The following LHFPL6 variants were observed in gnomAD, a reference collection of about 807,000 sequenced individuals.
LHFPL6 encodes the protein LHFPL tetraspan subfamily member 6 protein.
LHFPL6 carries 9 observed loss-of-function variants against 20.6 expected under a neutral mutation model. The observed-to-expected ratio is 0.44, with a 90% CI of 0.26 to 0.76. The LOEUF (loss-of-function observed/expected upper bound fraction) is 0.76, where lower values mean the gene tolerates loss of function less well. Ranked by LOEUF, LHFPL6 falls within the 30% of genes least tolerant of loss-of-function variation. The probability of loss-of-function intolerance (pLI) is 0.20; values close to 1 mark genes in which losing one functional copy is unlikely to be tolerated. For synonymous variants in LHFPL6, 105 were observed against 98.7 expected, an observed-to-expected ratio of 1.06 and a Z score of -0.38; for missense variants, 218 against 253.5, an observed-to-expected ratio of 0.86 and a Z score of 0.95.
chr13:39,461,969 T>TA (rs35740984), intron 2 of LHFPL6, among the ~76,000 whole-genome samples: 9,265 of 150,766 alleles, frequency 0.061, 415 homozygotes, highest in East Asian at 0.19. Context: ...GGATTCACTT[T>TA]AAAAAAAAAA....
chr13:39,497,402 G>C (rs1031413576), intron 2 of LHFPL6, among the ~76,000 whole-genome samples: 3 of 152,308 alleles, frequency 2.0e-5, no homozygotes, highest in Middle Eastern at 6.8e-3. Context: ...AATGCAGAGA[G>C]AACGCTCCTA....
intron 2 of LHFPL6, among the ~76,000 whole-genome samples, chr13:39,382,218 T>C (rs1001394548): frequency 2.6e-5 from 4 of 152,136 alleles, no homozygotes; most frequent in Admixed American, 6.5e-5. Context: ...AAAAGTCCTA[T>C]GGTAAATTTT....
intron 2 of LHFPL6, among the ~76,000 whole-genome samples, chr13:39,534,836 C>A (rs1359535125): frequency 6.6e-6 from 1 of 152,166 alleles, no homozygotes; most frequent in Non-Finnish European, 1.5e-5. Context: ...TCATTGCCAC[C>A]TGTGCAACCA....
intron 2 of LHFPL6, among the ~76,000 whole-genome samples, chr13:39,432,661 C>T (rs1221343628): frequency 6.6e-6 from 1 of 152,172 alleles, no homozygotes; most frequent in Non-Finnish European, 1.5e-5. Context: ...CCTTCCTTTG[C>T]ACTTAGTATC....
At chr13:39,560,549 C>T (rs1191554887) in intron 2 of LHFPL6, among the ~76,000 whole-genome samples, 2 of 141,778 alleles carry the variant, frequency 1.4e-5, no homozygotes, top group African/African-American at 5.2e-5. Flanking sequence ...GCGTCTCCCT[C>T]TGTCGCCCAG....
intron 2 of LHFPL6, among the ~76,000 whole-genome samples, chr13:39,504,168 C>A (rs1869390315): frequency 6.6e-6 from 1 of 152,038 alleles, no homozygotes; most frequent in African/African-American, 2.4e-5. Flanking sequence ...ATCTGTAGCA[C>A]AGAATAATGT....
intron 2 of LHFPL6, among the ~76,000 whole-genome samples, chr13:39,509,997 A>G (rs551119769): frequency 2.0e-5 from 3 of 152,318 alleles, no homozygotes; most frequent in South Asian, 2.1e-4. Context: ...AAAAGTAACA[A>G]TTTACAGATT....
chr13:39,592,323 A>G (rs1362154153), intron 2 of LHFPL6, among the ~76,000 whole-genome samples: 3 of 152,194 alleles, frequency 2.0e-5, no homozygotes, highest in African/African-American at 7.2e-5. Flanking sequence ...ACAAACTACC[A>G]TCAGAGAATA....
chr13:39,388,948 C>T (rs574294141), intron 2 of LHFPL6, among the ~76,000 whole-genome samples: 2 of 152,274 alleles, frequency 1.3e-5, no homozygotes, highest in South Asian at 2.1e-4. Flanking sequence ...TCTTTTCTAC[C>T]GATTGCACTC....
intron 2 of LHFPL6, among the ~76,000 whole-genome samples, chr13:39,570,962 G>A (rs954545771): frequency 3.5e-4 from 53 of 152,152 alleles, no homozygotes; most frequent in Non-Finnish European, 4.4e-4. Context: ...TTCAGTAAGC[G>A]AGAATCCTTA....
chr13:39,436,012 A>G (rs2138409587), intron 2 of LHFPL6, among the ~76,000 whole-genome samples: 1 of 151,654 alleles, frequency 6.6e-6, no homozygotes, highest in South Asian at 2.1e-4. Flanking sequence ...ATTAGGTTTA[A>G]TATTATTTTT....
chr13:39,435,386 T>C (rs1871931142), intron 2 of LHFPL6, among the ~76,000 whole-genome samples: 1 of 152,172 alleles, frequency 6.6e-6, no homozygotes, highest in Non-Finnish European at 1.5e-5. Flanking sequence ...TATAAGAATT[T>C]TGGAAGATTT....
intron 2 of LHFPL6, among the ~76,000 whole-genome samples, chr13:39,412,980 A>G: frequency 6.6e-6 from 1 of 152,122 alleles, no homozygotes; most frequent in Non-Finnish European, 1.5e-5. Context: ...ACCCATGTCT[A>G]GCACCAGTAG....
intron 2 of LHFPL6, among the ~76,000 whole-genome samples, chr13:39,481,223 C>G (rs1209107842): frequency 6.6e-6 from 1 of 152,124 alleles, no homozygotes; most frequent in Non-Finnish European, 1.5e-5. Context: ...CTATATATGA[C>G]TGAAATACAA....
At chr13:39,465,974 A>G (rs1872795899) in intron 2 of LHFPL6, among the ~76,000 whole-genome samples, 1 of 151,926 alleles carries the variant, frequency 6.6e-6, no homozygotes, top group Non-Finnish European at 1.5e-5. Context: ...TGTGACTGGG[A>G]TCCTAAGTGT....
chr13:39,562,390 A>T (rs1228831011), intron 2 of LHFPL6, among the ~76,000 whole-genome samples: 2 of 53,468 alleles, frequency 3.7e-5, no homozygotes, highest in Non-Finnish European at 9.9e-5. Context: ...ATACATATAC[A>T]TATATATACA....
chr13:39,562,923 G>T (rs1321724298), intron 2 of LHFPL6, among the ~76,000 whole-genome samples: 1 of 151,824 alleles, frequency 6.6e-6, no homozygotes, highest in South Asian at 2.1e-4. Context: ...CATGCACCAA[G>T]GGGAGAATAA....
At chr13:39,426,487 G>A (rs1871642064) in intron 2 of LHFPL6, among the ~76,000 whole-genome samples, 2 of 152,062 alleles carry the variant, frequency 1.3e-5, no homozygotes, top group South Asian at 2.1e-4. Context: ...TCCAAAGTGC[G>A]GGGATTAAAG....
chr13:39,380,294 G>A (rs1193589603), intron 2 of LHFPL6, among the ~76,000 whole-genome samples: 1 of 152,102 alleles, frequency 6.6e-6, no homozygotes, highest in African/African-American at 2.4e-5. Context: ...TGGACAAGAA[G>A]TATTTAAGTG....
Sources: allele counts gnomAD v4.1 joint callset (sites outside exome capture counted in the v4.1 genomes callset), GRCh38; gene constraint gnomAD v4.1.1; transcripts MANE v1.5; gene names NCBI Gene and HGNC (gene_info 2026-07-23, HGNC 2026-07-21).